Variants in FBXL7 observed in about 807,000 individuals in gnomAD.
FBXL7 encodes the protein F-box/LRR-repeat protein 7.
Under a neutral mutation model 38.3 loss-of-function variants are expected in FBXL7, and 12 were observed. The ratio of observed to expected loss-of-function variants is 0.31; its 90% CI spans 0.20 to 0.51. The LOEUF (loss-of-function observed/expected upper bound fraction) is 0.51. Among genes scored for constraint, FBXL7 ranks in the 20% least tolerant of loss-of-function variants. The pLI is 0.98. For missense variants in FBXL7, 567 were observed against 676.4 expected (o/e 0.84, Z 1.79); for synonymous variants, 297 against 300.9 (o/e 0.99, Z 0.13).
At chr5:15,815,025 A>C (rs1483409105) in intron 2 of FBXL7, among the ~76,000 whole-genome samples, 1 of 152,184 alleles carries the variant, frequency 6.6e-6, no homozygotes, top group Admixed American at 6.5e-5. Flanking sequence ...TACCATGTCC[A>C]AAATGCACTC....
intron 1 of FBXL7, among the ~76,000 whole-genome samples, chr5:15,521,899 G>C (rs181096282): frequency 6.6e-6 from 1 of 152,134 alleles, no homozygotes; most frequent in African/African-American, 2.4e-5. Context: ...ACATTTCTTC[G>C]TACTGAGCAA....
intron 2 of FBXL7, among the ~76,000 whole-genome samples, chr5:15,878,909 G>A (rs1317684676): frequency 6.6e-6 from 1 of 152,156 alleles, no homozygotes; most frequent in Non-Finnish European, 1.5e-5. Flanking sequence ...GTCTCCACCA[G>A]AAACCAGAAA....
At chr5:15,594,473 G>T (rs552155527) in intron 1 of FBXL7, among the ~76,000 whole-genome samples, 63 of 152,332 alleles carry the variant, frequency 4.1e-4, no homozygotes, top group African/African-American at 1.5e-3. Context: ...GTACCCATTG[G>T]CCTCTCACCA....
At chr5:15,819,789 C>T (rs2126762783) in intron 2 of FBXL7, among the ~76,000 whole-genome samples, 1 of 152,306 alleles carries the variant, frequency 6.6e-6, no homozygotes. Context: ...CTTCACCGCA[C>T]AAGCCCTGTC....
intron 2 of FBXL7, among the ~76,000 whole-genome samples, chr5:15,803,904 A>G (rs1467409936): frequency 6.6e-6 from 1 of 152,154 alleles, no homozygotes; most frequent in Non-Finnish European, 1.5e-5. Flanking sequence ...AGGCCCTGGC[A>G]TTCCATGGCT....
intron 2 of FBXL7, among the ~76,000 whole-genome samples, chr5:15,741,786 G>A (rs1046539885): frequency 6.6e-6 from 1 of 151,708 alleles, no homozygotes; most frequent in East Asian, 1.9e-4. Flanking sequence ...GTAGAAAGAA[G>A]TACAGGAAAA....
At chr5:15,864,507 T>G (rs1739621093) in intron 2 of FBXL7, among the ~76,000 whole-genome samples, 1 of 152,138 alleles carries the variant, frequency 6.6e-6, no homozygotes. Flanking sequence ...ATTCTAGAGT[T>G]GTAGGTGGTT....
At chr5:15,708,228 T>C (rs1743751181) in intron 2 of FBXL7, among the ~76,000 whole-genome samples, 1 of 152,222 alleles carries the variant, frequency 6.6e-6, no homozygotes. Context: ...GTCACAGGGC[T>C]GTCCATCCTT....
chr5:15,651,643 C>T (rs547285236), intron 2 of FBXL7, among the ~76,000 whole-genome samples: 3 of 152,280 alleles, frequency 2.0e-5, no homozygotes, highest in African/African-American at 2.4e-5. Context: ...TGCCGTTATT[C>T]AGCTTTGTTG....
chr5:15,579,406 T>C (rs2126464830), intron 1 of FBXL7, among the ~76,000 whole-genome samples: 1 of 152,258 alleles, frequency 6.6e-6, no homozygotes, highest in Non-Finnish European at 1.5e-5. Flanking sequence ...TGTCCATGAG[T>C]ATGTGGCTTT....
intron 2 of FBXL7, among the ~76,000 whole-genome samples, chr5:15,648,713 A>G (rs1420538766): frequency 1.3e-5 from 2 of 152,264 alleles, no homozygotes; most frequent in South Asian, 2.1e-4. Flanking sequence ...TAGCCACAGT[A>G]ATTTTCCATG....
chr5:15,545,248 C>A (rs1251776655), intron 1 of FBXL7, among the ~76,000 whole-genome samples: 2 of 152,160 alleles, frequency 1.3e-5, no homozygotes, highest in Non-Finnish European at 2.9e-5. Context: ...GATAACAAAC[C>A]TTAATTGAGT....
At chr5:15,750,238 A>G (rs1227046713) in intron 2 of FBXL7, among the ~76,000 whole-genome samples, 1 of 152,216 alleles carries the variant, frequency 6.6e-6, no homozygotes. Flanking sequence ...ATGTAAAGCT[A>G]ATAATAACTA....
chr5:15,714,144 A>G (rs1437308133), intron 2 of FBXL7, among the ~76,000 whole-genome samples: 1 of 152,200 alleles, frequency 6.6e-6, no homozygotes, highest in Non-Finnish European at 1.5e-5. Context: ...CTCCTGTTGA[A>G]TTGTAATCCC....
At chr5:15,812,000 G>A (rs968461831) in intron 2 of FBXL7, among the ~76,000 whole-genome samples, 1 of 151,988 alleles carries the variant, frequency 6.6e-6, no homozygotes, top group Non-Finnish European at 1.5e-5. Context: ...TATACCCAAA[G>A]GATTATAAAT....
chr5:15,627,145 T>A (rs1351297444), intron 2 of FBXL7, among the ~76,000 whole-genome samples: 1 of 152,212 alleles, frequency 6.6e-6, no homozygotes, highest in African/African-American at 2.4e-5. Flanking sequence ...TTCTGTTAGC[T>A]CTTTGGCTCC....
chr5:15,843,316 A>G (rs766244494), intron 2 of FBXL7, among the ~76,000 whole-genome samples: 2 of 152,126 alleles, frequency 1.3e-5, no homozygotes, highest in South Asian at 2.1e-4. Context: ...TCACCACAGC[A>G]CACACACACA....
intron 2 of FBXL7, among the ~76,000 whole-genome samples, chr5:15,666,875 A>G (rs1321718806): frequency 6.6e-6 from 1 of 152,148 alleles, no homozygotes; most frequent in Non-Finnish European, 1.5e-5. Flanking sequence ...ATTTCTTATT[A>G]TCTCTTGGCT....
At chr5:15,921,532 T>C (rs1321222568) in intron 2 of FBXL7, among the ~76,000 whole-genome samples, 1 of 152,196 alleles carries the variant, frequency 6.6e-6, no homozygotes, top group African/African-American at 2.4e-5. Context: ...TTAACAGATT[T>C]CATTTTCAAT....
Sources: gnomAD v4.1 joint callset for allele counts (sites outside exome capture counted in the v4.1 genomes callset) on GRCh38, gnomAD v4.1.1 for gene constraint, MANE v1.5 for transcripts, NCBI Gene and HGNC (gene_info 2026-07-23, HGNC 2026-07-21) for gene names.